SCHIP1: variants seen among roughly 807,000 people sequenced by gnomAD.
The protein encoded by SCHIP1 is schwannomin interacting protein 1.
In SCHIP1, 8 loss-of-function variants were observed where a neutral mutation model predicts 29.7. The ratio of observed to expected loss-of-function variants is 0.27; its 90% confidence interval spans 0.16 to 0.49. The LOEUF (loss-of-function observed/expected upper bound fraction) is 0.49. Ranked by LOEUF, SCHIP1 falls within the 20% of genes least tolerant of loss-of-function variation. SCHIP1 has a pLI of 0.99. For synonymous variants in SCHIP1, 76 were observed against 94.9 expected (o/e 0.80, Z 1.16); for missense variants, 193 against 294.6 (o/e 0.66, Z 2.52).
the SCHIP1 span, among the ~76,000 whole-genome samples, chr3:159,626,416 C>T: frequency 3.3e-5 from 5 of 151,672 alleles, no homozygotes; most frequent in Non-Finnish European, 7.4e-5. Context: ...CTTACAGCCA[C>T]TGTCTCAGAT....
At chr3:159,275,219 A>C in the SCHIP1 span, 3 of 352,272 alleles carry the variant, frequency 8.5e-6, no homozygotes, top group African/African-American at 2.2e-5. Context: ...TGAAAGGTAG[A>C]TTTATGATTT....
intron 2 of SCHIP1, among the ~76,000 whole-genome samples, chr3:159,884,097 A>T (rs1716720289): frequency 6.6e-6 from 1 of 152,208 alleles, no homozygotes; most frequent in African/African-American, 2.4e-5. Context: ...ACTTTATTCA[A>T]TAAATAGAAA....
the SCHIP1 span, among the ~76,000 whole-genome samples, chr3:159,584,265 C>T: frequency 6.6e-6 from 1 of 152,166 alleles, no homozygotes; most frequent in African/African-American, 2.4e-5. Context: ...GGATACACTG[C>T]GGAACTCCGG....
chr3:159,432,549 C>G, the SCHIP1 span, among the ~76,000 whole-genome samples: 1 of 152,050 alleles, frequency 6.6e-6, no homozygotes, highest in Non-Finnish European at 1.5e-5. Flanking sequence ...TATCAAGGAA[C>G]TTGTGGACAG....
the SCHIP1 span, among the ~76,000 whole-genome samples, chr3:159,490,689 C>T: frequency 6.6e-6 from 1 of 152,144 alleles, no homozygotes; most frequent in African/African-American, 2.4e-5. Flanking sequence ...TAAAATGGAG[C>T]CCTCGTGTAT....
chr3:159,528,251 T>A, the SCHIP1 span, among the ~76,000 whole-genome samples: 2 of 152,212 alleles, frequency 1.3e-5, no homozygotes, highest in African/African-American at 2.4e-5. Context: ...AACAGGATAT[T>A]TAAATGTACT....
the SCHIP1 span, among the ~76,000 whole-genome samples, chr3:159,487,278 C>T: frequency 6.6e-6 from 1 of 152,132 alleles, no homozygotes; most frequent in Non-Finnish European, 1.5e-5. Flanking sequence ...AGTTTCATTG[C>T]TTCAGTTCGT....
At chr3:159,458,564 C>CTTTTT in the SCHIP1 span, among the ~76,000 whole-genome samples, 1 of 143,848 alleles carries the variant, frequency 7.0e-6, no homozygotes, top group African/African-American at 2.5e-5. Flanking sequence ...ACTGACTTTT[C>CTTTTT]TTTTTTTTTT....
the SCHIP1 span, among the ~76,000 whole-genome samples, chr3:159,442,515 C>T: frequency 7.9e-5 from 12 of 152,174 alleles, 1 homozygote; most frequent in Middle Eastern, 6.8e-3. Flanking sequence ...GTTTTTTCAG[C>T]GTTTTACATG....
At chr3:159,407,646 T>C in the SCHIP1 span, among the ~76,000 whole-genome samples, 1 of 152,196 alleles carries the variant, frequency 6.6e-6, no homozygotes, top group Non-Finnish European at 1.5e-5. Flanking sequence ...ACAAAGCAAG[T>C]CATGAAACAT....
the SCHIP1 span, among the ~76,000 whole-genome samples, chr3:159,318,346 T>G: frequency 1.3e-5 from 2 of 152,182 alleles, no homozygotes; most frequent in African/African-American, 4.8e-5. Flanking sequence ...TTCTTCCAAG[T>G]CCCTGACCAT....
At chr3:159,448,297 C>A in the SCHIP1 span, among the ~76,000 whole-genome samples, 1 of 152,034 alleles carries the variant, frequency 6.6e-6, no homozygotes. Flanking sequence ...ATAGTGAAAC[C>A]CTGTCTCTAC....
chr3:159,337,346 G>A, the SCHIP1 span, among the ~76,000 whole-genome samples: 3 of 151,858 alleles, frequency 2.0e-5, no homozygotes, highest in South Asian at 4.1e-4. Context: ...GTTCTGGCCA[G>A]GGCAGTCAGG....
chr3:159,667,332 C>A, the SCHIP1 span, among the ~76,000 whole-genome samples: 1 of 152,210 alleles, frequency 6.6e-6, no homozygotes, highest in African/African-American at 2.4e-5. Context: ...CTCAGGAAAG[C>A]CTTTGCTTTT....
chr3:159,676,959 G>T, the SCHIP1 span, among the ~76,000 whole-genome samples: 44 of 152,212 alleles, frequency 2.9e-4, no homozygotes, highest in African/African-American at 9.9e-4. Context: ...ACACAGTAGA[G>T]GCAGAACTAC....
the SCHIP1 span, chr3:159,274,504 A>T: frequency 1.4e-6 from 1 of 729,688 alleles, no homozygotes; most frequent in Non-Finnish European, 1.7e-6. Flanking sequence ...TTTTAGCATT[A>T]TTGAAAATAA....
At chr3:159,470,907 T>C in the SCHIP1 span, among the ~76,000 whole-genome samples, 1 of 152,128 alleles carries the variant, frequency 6.6e-6, no homozygotes, top group South Asian at 2.1e-4. Context: ...ATCTCATGTA[T>C]GATTCCATTT....
the SCHIP1 span, among the ~76,000 whole-genome samples, chr3:159,573,637 T>C: frequency 4.6e-5 from 7 of 152,194 alleles, no homozygotes; most frequent in African/African-American, 1.7e-4. Context: ...CTGTATTTCC[T>C]GAATTTGAAT....
rs1039481121 is a variant in SCHIP1 at position 159,840,067 on chromosome 3, G to A, written c.-118G>A. On this transcript the variant is annotated 5_prime_UTR_variant, in exon 1 of 7. Transcript: ENST00000445224. ...CGAAACAGCATCCATTTTAATCTGCGGGGAGCCCCTGCCTTACCAGGGCGT... is the reference window on the plus strand; with the variant it reads ...CGAAACAGCATCCATTTTAATCTGCAGGGAGCCCCTGCCTTACCAGGGCGT... 16 of 1,507,412 alleles carry A rather than the reference G, an allele frequency of 1.1e-5. No homozygotes were observed. In the East Asian group the frequency reaches 2.2e-4, roughly 21 times the overall value. The allele number at this position is 1,507,412 out of a possible 1,614,324, so 93.4% of individuals were successfully genotyped here. A position where few individuals can be genotyped will look rare whatever the true frequency, so the allele number is the denominator to read the frequency against.
Sources: allele counts gnomAD v4.1 joint callset (sites outside exome capture counted in the v4.1 genomes callset), GRCh38; gene constraint gnomAD v4.1.1; transcripts MANE v1.5; gene names NCBI Gene and HGNC (gene_info 2026-07-23, HGNC 2026-07-21).